ZNF462: variants seen among roughly 807,000 people sequenced by gnomAD.
The protein encoded by ZNF462 is zinc finger protein 462, also known as zinc finger PBX1-interacting protein.
ZNF462 carries 10 observed loss-of-function variants against 201.9 expected under a neutral mutation model. That is an observed-to-expected ratio of 0.05 (90% CI 0.03 to 0.08). The LOEUF is 0.08. Ranked by LOEUF, ZNF462 falls within the 10% of genes least tolerant of loss-of-function variation. The pLI, the probability that ZNF462 is intolerant of heterozygous loss-of-function variation, is 1.00. For synonymous variants in ZNF462, 1,227 were observed against 1,193.3 expected (o/e 1.03, Z -0.58); for missense variants, 2,523 against 3,168.3 (o/e 0.80, Z 4.89).
intron 1 of ZNF462, among the ~76,000 whole-genome samples, chr9:106,916,440 T>C (rs1829777863): frequency 6.6e-6 from 1 of 152,234 alleles, no homozygotes; most frequent in African/African-American, 2.4e-5. Flanking sequence ...AACTTCCCTT[T>C]AATTTTACAA....
chr9:106,973,301 T>C (rs987571798), intron 8 of ZNF462, among the ~76,000 whole-genome samples: 1 of 152,040 alleles, frequency 6.6e-6, no homozygotes, highest in Non-Finnish European at 1.5e-5. Context: ...TTAGGCTTCA[T>C]GTCCAAAGAA....
intron 7 of ZNF462, among the ~76,000 whole-genome samples, chr9:106,953,423 G>A (rs1445174665): frequency 2.0e-5 from 3 of 152,108 alleles, no homozygotes; most frequent in East Asian, 3.9e-4. Context: ...GACAAACAAG[G>A]TCACGGCCTC....
At chr9:106,949,530 G>A (rs1360282740) in intron 7 of ZNF462, among the ~76,000 whole-genome samples, 1 of 152,124 alleles carries the variant, frequency 6.6e-6, no homozygotes, top group Non-Finnish European at 1.5e-5. Context: ...CCACCCCAGT[G>A]GCAACACCAT....
At chr9:106,873,306 A>T (rs1827679027) in intron 1 of ZNF462, among the ~76,000 whole-genome samples, 1 of 152,206 alleles carries the variant, frequency 6.6e-6, no homozygotes, top group Non-Finnish European at 1.5e-5. Flanking sequence ...TAGGGAAAAA[A>T]AGCAAGACAC....
At chr9:106,957,912 G>C (rs927200870) in intron 7 of ZNF462, among the ~76,000 whole-genome samples, 8 of 151,994 alleles carry the variant, frequency 5.3e-5, no homozygotes, top group African/African-American at 1.9e-4. Context: ...ATGAAGGGTT[G>C]GTAGGGAGCA....
chr9:106,925,584 C>T lies in ZNF462; in HGVS notation c.1672C>T (p.Gln558Ter). The T allele has an allele frequency of 6.2e-7, 1 of 1,612,808 alleles. No individual in the cohort carries two copies. The change falls in exon 3 of 13, where the codon CAG becomes TAG. Residue 558 changes from glutamine (Q) to a stop codon, truncating the protein, a stop_gained. Transcript: ENST00000277225. LOFTEE classifies it high-confidence loss of function. The surrounding 1 kb of genome is among the most constrained non-coding windows in gnomAD (Gnocchi z 7.9). ...GCCGCCACCACCACCATCACAGCCACAGCCACTGCAGCAGCCACAGCCACC... is the reference window on the plus strand; with the variant it reads ...GCCGCCACCACCACCATCACAGCCATAGCCACTGCAGCAGCCACAGCCACC... Reference protein sequence around the residue: ...PPPPPPPSQPQPLQQPQPPQL... With the variant: ...PPPPPPPSQP
chr9:107,006,974 A>G lies in ZNF462; in HGVS notation c.7190-2571A>G, dbSNP rs1041524625. Among the ~76,000 whole-genome samples the G allele has an allele frequency of 6.6e-6, 1 of 152,002 alleles. No individual in the cohort carries two copies. ...GGCTTCTTTCTTTTTTCTTTTTCAA[A>G]CCATTTCATGAGTATGTTCTTTACA... is the stretch of plus-strand genomic sequence containing the variant. On this transcript the variant is annotated intron_variant, in intron 11 of 12. Coordinates refer to ENST00000277225, the MANE Select transcript of ZNF462 (RefSeq NM_021224.6). This position sits in a 1 kb window ranked among gnomAD's most constrained non-coding sequence, Gnocchi z 4.3.
At position 106,913,338 on chromosome 9, in the gene ZNF462, A is replaced by C. The variant is rs1829630031; in HGVS notation, c.-30-10016A>C. On this transcript the variant is annotated intron_variant, in intron 1 of 12. Transcript: ENST00000277225. The surrounding 1 kb of genome is among the most constrained non-coding windows in gnomAD (Gnocchi z 4.1). ...CTTAGGTTCTTGAACGTTTAGTTCG[A>C]TTTTGTACCACTGGTTAATTTTCTC... Among the ~76,000 whole-genome samples the C allele has an allele frequency of 6.6e-6, 1 of 152,142 alleles. No homozygotes were observed. Among genetic ancestry groups the C allele is most frequent in the Non-Finnish European group, 1.5e-5 (1 of 68,014 alleles).
intron 7 of ZNF462, among the ~76,000 whole-genome samples, chr9:106,961,207 T>C (rs993907559): frequency 1.3e-5 from 2 of 152,106 alleles, no homozygotes; most frequent in Non-Finnish European, 2.9e-5. Context: ...AGCTGCATAC[T>C]GAATAATCTC....
intron 10 of ZNF462, among the ~76,000 whole-genome samples, chr9:106,995,340 G>C (rs1245059162): frequency 6.6e-6 from 1 of 152,024 alleles, no homozygotes; most frequent in Non-Finnish European, 1.5e-5. Flanking sequence ...ATGATTCTTT[G>C]TTTTTAATAT....
chr9:106,926,063 G>A lies in ZNF462; in HGVS notation c.2151G>A (p.Val717=). The A allele has an allele frequency of 1.2e-6, 2 of 1,614,222 alleles. No homozygotes were observed. The highest frequency in any genetic ancestry group is 1.7e-6 in the Non-Finnish European group (2 of 1,180,060). Residue 717 remains valine, a synonymous_variant, in exon 3 of 13, where the codon GTG becomes GTA. Transcript: ENST00000277225. This position sits in a 1 kb window ranked among gnomAD's most constrained non-coding sequence, Gnocchi z 7.9. ...AAACCAAACAGCAGGAAGATGCAGT[G>A]ATCAATGTTGAGGATGATGAAGAGG... ...INQTKQQEDA[V]INVEDDEEEE...
In ZNF462 at chr9:106,926,867, C is replaced by T; in HGVS notation, c.2955C>T (p.Pro985=). 6.2e-7 allele frequency: 1 copy of T among 1,614,106 alleles called. No individual in the cohort carries two copies. Among genetic ancestry groups the T allele is most frequent in the Non-Finnish European group, 8.5e-7 (1 of 1,180,028 alleles). Residue 985 remains proline, a synonymous_variant, in exon 3 of 13, where the codon CCC becomes CCT. Transcript: ENST00000277225. This position sits in a 1 kb window ranked among gnomAD's most constrained non-coding sequence, Gnocchi z 7.9. ...QTLREILNSA[P]KNMATSTPVA... ...TGAGGGAGATTCTGAATTCGGCTCC[C>T]AAGAACATGGCGACTTCCACACCTG...
chr9:106,955,625 G>A (rs1831540288), intron 7 of ZNF462, among the ~76,000 whole-genome samples: 1 of 152,126 alleles, frequency 6.6e-6, no homozygotes, highest in African/African-American at 2.4e-5. Flanking sequence ...TGCTGTTGCA[G>A]TGCTATTTGA....
At chr9:106,969,246 A>G (rs929459237) in intron 7 of ZNF462, among the ~76,000 whole-genome samples, 2 of 152,174 alleles carry the variant, frequency 1.3e-5, no homozygotes, top group Non-Finnish European at 2.9e-5. Context: ...AAAAAATTTT[A>G]TGACATGGAC....
At position 107,005,076 on chromosome 9, in the gene ZNF462, A is replaced by G. The variant is rs1359310618; in HGVS notation, c.7189+1650A>G. On this transcript the variant is annotated intron_variant, in intron 11 of 12. Coordinates refer to ENST00000277225, the MANE Select transcript of ZNF462 (RefSeq NM_021224.6). The surrounding 1 kb of genome is among the most constrained non-coding windows in gnomAD (Gnocchi z 4.4). Reference sequence around the variant, plus strand: ...ATTTTTTAATGGTGAATAGTATTTCATGTGTGTATATACCACATTTTCTTT... The same window carrying G: ...ATTTTTTAATGGTGAATAGTATTTCGTGTGTGTATATACCACATTTTCTTT... 2.0e-5 allele frequency among the ~76,000 whole-genome samples: 3 copies of G among 152,122 alleles called. No individual in the cohort carries two copies. Among genetic ancestry groups the G allele is most frequent in the Admixed American group, 6.6e-5 (1 of 15,262 alleles).
chr9:106,968,763 G>T lies in ZNF462; in HGVS notation c.6428-3242G>T, dbSNP rs1011985467. Reference sequence around the variant, plus strand: ...CTGCTGTATTTCCCCATGACCAGAAGTCTGACTCTCCCAACACAAGGATAT... The same window carrying T: ...CTGCTGTATTTCCCCATGACCAGAATTCTGACTCTCCCAACACAAGGATAT... On this transcript the variant is annotated intron_variant, in intron 7 of 12. Transcript: ENST00000277225. This position sits in a 1 kb window ranked among gnomAD's most constrained non-coding sequence, Gnocchi z 4.0. 6.6e-6 allele frequency among the ~76,000 whole-genome samples: 1 copy of T among 152,132 alleles called. No homozygotes were observed. Among genetic ancestry groups the T allele is most frequent in the Non-Finnish European group, 1.5e-5 (1 of 68,024 alleles).
rs372015663 is a variant in ZNF462 at position 106,974,091 on chromosome 9, G to T, written c.6696-46G>T. ...CCAGCAGGAAATGTGAAAATGCAATGATCCCTGGTTACACGCATCACCTCT... is the reference window on the plus strand; with the variant it reads ...CCAGCAGGAAATGTGAAAATGCAATTATCCCTGGTTACACGCATCACCTCT... On this transcript the variant is annotated intron_variant, in intron 8 of 12. Coordinates refer to ENST00000277225, the MANE Select transcript of ZNF462 (RefSeq NM_021224.6). This position sits in a 1 kb window ranked among gnomAD's most constrained non-coding sequence, Gnocchi z 4.0. 2 of 1,610,348 alleles carry T rather than the reference G, an allele frequency of 1.2e-6. No homozygotes were observed. The highest frequency in any genetic ancestry group is 1.7e-6 in the Non-Finnish European group (2 of 1,177,504).
intron 1 of ZNF462, among the ~76,000 whole-genome samples, chr9:106,897,446 T>C (rs1266890276): frequency 6.6e-6 from 1 of 152,178 alleles, no homozygotes; most frequent in Non-Finnish European, 1.5e-5. Flanking sequence ...ATCAGTGACC[T>C]CATTCTACTT....
Position 106,927,980 on chromosome 9 carries a change from C to T in ZNF462, c.4068C>T (p.Ser1356=). ...ATKLWAGPDP[S]PPSLTMPAEA... ...AACTGTGGGCTGGGCCAGACCCATC[C>T]CCTCCCTCTCTCACAATGCCAGCCG... The change falls in exon 3 of 13, where the codon TCC becomes TCT. Residue 1356 remains serine, a synonymous_variant. Coordinates refer to ENST00000277225, the MANE Select transcript of ZNF462 (RefSeq NM_021224.6). 6.2e-7 allele frequency: 1 copy of T among 1,614,098 alleles called. No homozygotes were observed. The highest frequency in any genetic ancestry group is 8.5e-7 in the Non-Finnish European group (1 of 1,180,008).
Sources: gnomAD v4.1 joint callset for allele counts (sites outside exome capture counted in the v4.1 genomes callset) on GRCh38, gnomAD v4.1.1 for gene constraint, Gnocchi (gnomAD v3.1) non-coding constraint, MANE v1.5 for transcripts, NCBI Gene and HGNC (gene_info 2026-07-23, HGNC 2026-07-21) for gene names.